The following UNC13C variants were observed in gnomAD, a reference collection of about 807,000 sequenced individuals.
The protein encoded by UNC13C is protein unc-13 homolog C.
A neutral mutation model predicts 245.4 loss-of-function variants in UNC13C; 174 were observed. The observed-to-expected ratio is 0.71, with a 90% CI of 0.63 to 0.80. The LOEUF is 0.80. UNC13C is among the 30% of genes least tolerant of loss of function. UNC13C has a pLI of 0.00. For missense variants in UNC13C, 2,829 were observed against 2,602.9 expected (o/e 1.09, Z -1.89); for synonymous variants, 992 against 895.1 (o/e 1.11, Z -1.93).
chr15:54,042,848 G>T, intron 2 of UNC13C, among the ~76,000 whole-genome samples: 1 of 151,874 alleles, frequency 6.6e-6, no homozygotes, highest in South Asian at 2.1e-4. Context: ...GCGAGACTCT[G>T]TCTCAGAAAA....
intron 19 of UNC13C, among the ~76,000 whole-genome samples, chr15:54,468,506 C>A (rs1892295581): frequency 6.6e-6 from 1 of 151,546 alleles, no homozygotes; most frequent in South Asian, 2.1e-4. Context: ...GGAATCTTAG[C>A]CAAGAAATCG....
At chr15:54,054,662 T>G (rs995113843) in intron 2 of UNC13C, among the ~76,000 whole-genome samples, 3 of 152,178 alleles carry the variant, frequency 2.0e-5, no homozygotes, top group Non-Finnish European at 4.4e-5. Context: ...TCTACTGGTT[T>G]TATAATGTAC....
chr15:54,570,130 G>A (rs940925253), intron 30 of UNC13C, among the ~76,000 whole-genome samples: 3 of 152,134 alleles, frequency 2.0e-5, no homozygotes, highest in Admixed American at 6.5e-5. Flanking sequence ...CTGGTCTCTC[G>A]TGTGTGTTTC....
intron 19 of UNC13C, among the ~76,000 whole-genome samples, chr15:54,447,768 T>A (rs1438820065): frequency 1.3e-5 from 2 of 152,192 alleles, no homozygotes; most frequent in Non-Finnish European, 2.9e-5. Context: ...TGTGTTGCTA[T>A]CTCCTTCAGT....
intron 2 of UNC13C, among the ~76,000 whole-genome samples, chr15:54,085,982 T>C (rs1481172861): frequency 6.6e-6 from 1 of 152,128 alleles, no homozygotes; most frequent in African/African-American, 2.4e-5. Flanking sequence ...TGATACAGAG[T>C]GATATTTCAA....
At chr15:53,996,287 C>G (rs1894629869) in intron 1 of UNC13C, among the ~76,000 whole-genome samples, 2 of 152,118 alleles carry the variant, frequency 1.3e-5, no homozygotes, top group South Asian at 4.1e-4. Context: ...TTCAGTTCGT[C>G]TTTAATCAAG....
At chr15:54,537,237 A>T (rs1246848472) in intron 26 of UNC13C, among the ~76,000 whole-genome samples, 4 of 152,002 alleles carry the variant, frequency 2.6e-5, no homozygotes, top group Non-Finnish European at 5.9e-5. Context: ...ATAGCCACAT[A>T]CACACATACA....
chr15:54,578,088 G>A (rs911642183), intron 30 of UNC13C, among the ~76,000 whole-genome samples: 1 of 152,076 alleles, frequency 6.6e-6, no homozygotes. Flanking sequence ...CAGTTTATTT[G>A]GCCCAGCATT....
intron 2 of UNC13C, among the ~76,000 whole-genome samples, chr15:54,123,393 T>G: frequency 6.6e-6 from 1 of 151,432 alleles, no homozygotes; most frequent in East Asian, 1.9e-4. Flanking sequence ...ATAAATGATA[T>G]GGATAATATA....
At chr15:54,324,545 C>T (rs2038244083) in intron 14 of UNC13C, among the ~76,000 whole-genome samples, 1 of 151,814 alleles carries the variant, frequency 6.6e-6, no homozygotes, top group Non-Finnish European at 1.5e-5. Flanking sequence ...GCAAAGTTTA[C>T]CTAGGAAAAT....
At chr15:54,127,905 A>G (rs2031164673) in intron 2 of UNC13C, among the ~76,000 whole-genome samples, 1 of 151,462 alleles carries the variant, frequency 6.6e-6, no homozygotes, top group African/African-American at 2.4e-5. Flanking sequence ...AACATGTACT[A>G]GAAGTCCTAG....
intron 30 of UNC13C, among the ~76,000 whole-genome samples, chr15:54,622,036 A>G (rs952843854): frequency 6.6e-6 from 1 of 152,190 alleles, no homozygotes; most frequent in African/African-American, 2.4e-5. Context: ...TAACTTCATT[A>G]AGTGGCTAGT....
At chr15:54,283,801 G>T (rs1218176960) in intron 10 of UNC13C, among the ~76,000 whole-genome samples, 2 of 152,128 alleles carry the variant, frequency 1.3e-5, no homozygotes, top group East Asian at 3.9e-4. Context: ...ATTGGGCGCA[G>T]AGGCTCAGTG....
chr15:54,613,917 A>G (rs1365172107), intron 30 of UNC13C, among the ~76,000 whole-genome samples: 1 of 151,962 alleles, frequency 6.6e-6, no homozygotes, highest in African/African-American at 2.4e-5. Flanking sequence ...GGTGGGAGAA[A>G]CTATTATACA....
the UNC13C span, among the ~76,000 whole-genome samples, chr15:53,966,907 C>T: frequency 6.6e-6 from 1 of 151,886 alleles, no homozygotes; most frequent in Non-Finnish European, 1.5e-5. Context: ...GTCATTTTAT[C>T]TTGAATTCTT....
the UNC13C span, among the ~76,000 whole-genome samples, chr15:53,892,136 G>GCCA: frequency 2.0e-5 from 3 of 152,108 alleles, no homozygotes; most frequent in African/African-American, 7.2e-5. Context: ...CACTTATAAA[G>GCCA]CTTAGTTTGG....
At chr15:54,379,897 C>A (rs1163077087) in intron 17 of UNC13C, among the ~76,000 whole-genome samples, 1 of 152,062 alleles carries the variant, frequency 6.6e-6, no homozygotes, top group African/African-American at 2.4e-5. Flanking sequence ...TCATGCACAA[C>A]ATGATGTTTT....
chr15:53,855,428 G>GT, the UNC13C span, among the ~76,000 whole-genome samples: 1 of 152,192 alleles, frequency 6.6e-6, no homozygotes, highest in African/African-American at 2.4e-5. Flanking sequence ...ATTGACTGTG[G>GT]TTTTGTCATA....
At chr15:54,488,060 G>A (rs142346735) in intron 19 of UNC13C, among the ~76,000 whole-genome samples, 83 of 152,130 alleles carry the variant, frequency 5.5e-4, no homozygotes, top group African/African-American at 1.9e-3. Flanking sequence ...TCTCTAAAAT[G>A]GAAAATGGCA....
Sources: allele counts gnomAD v4.1 joint callset (sites outside exome capture counted in the v4.1 genomes callset), GRCh38; gene constraint gnomAD v4.1.1; transcripts MANE v1.5; gene names NCBI Gene and HGNC (gene_info 2026-07-23, HGNC 2026-07-21).